Variants in PRKAR1B observed in about 807,000 individuals in gnomAD.
PRKAR1B encodes protein kinase cAMP-dependent type I regulatory subunit beta, also known as cAMP-dependent protein kinase type I-beta regulatory subunit.
PRKAR1B carries 22 observed loss-of-function variants against 46.5 expected under a neutral mutation model. The ratio of observed to expected loss-of-function variants is 0.47; its 90% CI spans 0.34 to 0.68. The LOEUF (loss-of-function observed/expected upper bound fraction) is 0.68. PRKAR1B is among the 30% of genes least tolerant of loss of function. PRKAR1B has a pLI of 0.01. For missense variants in PRKAR1B, 445 were observed against 535.6 expected (o/e 0.83, Z 1.67); for synonymous variants, 259 against 217.7 (o/e 1.19, Z -1.67).
At chr7:693,222 A>G (rs1779535817) in intron 2 of PRKAR1B, among the ~76,000 whole-genome samples, 1 of 149,376 alleles carries the variant, frequency 6.7e-6, no homozygotes, top group African/African-American at 2.5e-5. Context: ...GGTGAGAGCC[A>G]GTGGGTCCTG....
At chr7:707,617 G>A (rs1055146102) in intron 2 of PRKAR1B, among the ~76,000 whole-genome samples, 21 of 152,178 alleles carry the variant, frequency 1.4e-4, no homozygotes, top group African/African-American at 4.8e-4. Context: ...GGTCTTGACG[G>A]AGGTGAGGAA....
intron 2 of PRKAR1B, among the ~76,000 whole-genome samples, chr7:696,190 T>C (rs1222307755): frequency 6.6e-6 from 1 of 151,442 alleles, no homozygotes; most frequent in African/African-American, 2.4e-5. Flanking sequence ...TTGCCCAGGC[T>C]AGTCTCAAGC....
intron 4 of PRKAR1B, among the ~76,000 whole-genome samples, chr7:640,125 T>C (rs1262616753): frequency 1.3e-5 from 2 of 150,950 alleles, no homozygotes; most frequent in African/African-American, 2.4e-5. Flanking sequence ...ATCGTACTAT[T>C]GCACTCCAGC....
chr7:567,599 T>TGGC (rs1310173217), intron 9 of PRKAR1B, among the ~76,000 whole-genome samples: 5 of 151,950 alleles, frequency 3.3e-5, no homozygotes, highest in African/African-American at 1.2e-4. Flanking sequence ...CCATCAGTGG[T>TGGC]GGCAGCAGCA....
intron 4 of PRKAR1B, among the ~76,000 whole-genome samples, chr7:638,906 C>T (rs564770943): frequency 6.6e-5 from 10 of 151,274 alleles, no homozygotes; most frequent in African/African-American, 2.4e-4. Flanking sequence ...GTGAAACCCC[C>T]GTCTCTATTA....
At position 680,682 on chromosome 7, in the gene PRKAR1B, C is replaced by A. The variant is rs2128507623; in HGVS notation, c.222G>T (p.Gln74His). The A allele has an allele frequency of 1.9e-6, 3 of 1,613,894 alleles. No homozygotes were observed. In the East Asian group the frequency reaches 6.7e-5, roughly 36 times the overall value. ...ACACCTCCTCATCATGGGAGTCCGA[C>A]TGTGAGTTTGACTTTTGCCGCGCCA... ...QILARQKSNS[Q>H]SDSHDEEVSP... Residue 74 changes from glutamine (Q) to histidine (H), a missense_variant, in exon 3 of 11, where the codon CAG (glutamine) becomes CAT (histidine). Physicochemically the swap from Gln to His is conservative, Grantham distance 24. Transcript: ENST00000537384.
intron 4 of PRKAR1B, among the ~76,000 whole-genome samples, chr7:626,535 G>A (rs1783413721): frequency 6.6e-6 from 1 of 152,052 alleles, no homozygotes; most frequent in African/African-American, 2.4e-5. Context: ...AAAGGACTAA[G>A]CACAGATGTG....
rs981154120 is a variant in PRKAR1B at position 644,208 on chromosome 7, C to T, written c.440+33021G>A. ...ACCGACAGGCGGGATGTTCAACCTG[C>T]GTCAGGATGAACCCTCATATTATAG... On this transcript the variant is annotated intron_variant, in intron 4 of 10. Transcript: ENST00000537384. The surrounding 1 kb of genome is among the most constrained non-coding windows in gnomAD (Gnocchi z 4.9). Among the ~76,000 whole-genome samples the T allele has an allele frequency of 4.6e-5, 7 of 152,138 alleles. No homozygotes were observed. Among genetic ancestry groups the T allele is most frequent in the Admixed American group, 2.0e-4 (3 of 15,268 alleles).
intron 4 of PRKAR1B, among the ~76,000 whole-genome samples, chr7:637,213 G>A (rs904299305): frequency 2.6e-5 from 4 of 152,062 alleles, no homozygotes; most frequent in South Asian, 2.1e-4. Flanking sequence ...CTTGAGCTTC[G>A]GAGGCAGAGG....
At chr7:606,103 G>C in intron 6 of PRKAR1B, 90 bp downstream of exon 6, 1 of 1,289,084 alleles carries the variant, frequency 7.8e-7, no homozygotes, top group Non-Finnish European at 1.1e-6. Context: ...CGCAGTGTTT[G>C]TTGGGGGCCT....
At chr7:616,024 G>GAGAGAC (rs1329987092) in intron 4 of PRKAR1B, among the ~76,000 whole-genome samples, 4 of 151,500 alleles carry the variant, frequency 2.6e-5, no homozygotes, top group African/African-American at 7.3e-5. Flanking sequence ...GAGAGAGAGA[G>GAGAGAC]AGAAAGCAGC....
At chr7:600,760 CAG>C (rs1201619030) in intron 6 of PRKAR1B, among the ~76,000 whole-genome samples, 11 of 152,200 alleles carry the variant, frequency 7.2e-5, no homozygotes, top group Non-Finnish European at 1.6e-4. Context: ...CAAAAACAAT[CAG>C]GGGAAGAGTC....
intron 4 of PRKAR1B, among the ~76,000 whole-genome samples, chr7:669,162 T>C (rs1786087781): frequency 6.6e-6 from 1 of 152,184 alleles, no homozygotes; most frequent in Non-Finnish European, 1.5e-5. Context: ...GAAGAGAGCA[T>C]TGATACATGC....
At chr7:573,447 G>C (rs1011348353) in intron 9 of PRKAR1B, among the ~76,000 whole-genome samples, 1 of 151,932 alleles carries the variant, frequency 6.6e-6, no homozygotes, top group Non-Finnish European at 1.5e-5. Context: ...GAGCCTTTCC[G>C]GGAAGCCTGT....
At chr7:559,295 G>A (rs939315492) in intron 9 of PRKAR1B, among the ~76,000 whole-genome samples, 2 of 152,192 alleles carry the variant, frequency 1.3e-5, no homozygotes, top group Non-Finnish European at 2.9e-5. Context: ...GAGACCTCGA[G>A]GGCAGGAGGA....
intron 7 of PRKAR1B, 97 bp from the exon 8 acceptor site, chr7:584,665 A>G (rs1257014314): frequency 2.9e-6 from 3 of 1,051,394 alleles, no homozygotes; most frequent in Non-Finnish European, 4.3e-6. Flanking sequence ...CTCAACTTTT[A>G]AATGAGACCC....
At chr7:597,066 C>T (rs1781308046) in intron 6 of PRKAR1B, among the ~76,000 whole-genome samples, 1 of 152,268 alleles carries the variant, frequency 6.6e-6, no homozygotes, top group Non-Finnish European at 1.5e-5. Flanking sequence ...AAGAATGGTG[C>T]AGATTGTTTA....
intron 6 of PRKAR1B, 146 bp from the exon 7 acceptor site, chr7:596,450 T>C: frequency 9.8e-7 from 1 of 1,020,730 alleles, no homozygotes. Context: ...GGCAGAGCCC[T>C]GCGTTCCCCA....
intron 1 of PRKAR1B, 76 bp downstream of exon 1, chr7:727,134 T>G: frequency 8.3e-7 from 1 of 1,211,582 alleles, no homozygotes; most frequent in Non-Finnish European, 1.0e-6. Context: ...CCGAGGCCTG[T>G]GAGGAGCTGC....
Sources: allele counts gnomAD v4.1 joint callset (sites outside exome capture counted in the v4.1 genomes callset), GRCh38; gene constraint gnomAD v4.1.1; non-coding constraint Gnocchi (gnomAD v3.1); transcripts MANE v1.5; gene names NCBI Gene and HGNC (gene_info 2026-07-23, HGNC 2026-07-21).